SEPSECS: variants seen among roughly 807,000 people sequenced by gnomAD.
SEPSECS encodes the protein Sep (O-phosphoserine) tRNA:Sec (selenocysteine) tRNA synthase, also known as O-phosphoseryl-tRNA(Sec) selenium transferase.
A neutral mutation model predicts 52.1 loss-of-function variants in SEPSECS; 42 were observed. The observed-to-expected ratio is 0.81, with a 90% CI of 0.63 to 1.04. SEPSECS has a LOEUF of 1.04. Ranked by LOEUF, SEPSECS falls within the 50% of genes least tolerant of loss-of-function variation. SEPSECS has a pLI of 0.00. For synonymous variants in SEPSECS, 216 were observed against 211.4 expected (o/e 1.02, Z -0.19); for missense variants, 590 against 610.6 (o/e 0.97, Z 0.36).
intron 9 of SEPSECS, 65 bp downstream of exon 9, chr4:25,127,199 A>T: frequency 1.1e-6 from 1 of 942,308 alleles, no homozygotes; most frequent in East Asian, 2.4e-5. Context: ...CTCCTTCTAG[A>T]AGTATCAGCT....
chr4:25,156,459 T>G (rs190431388), intron 3 of SEPSECS, among the ~76,000 whole-genome samples: 1 of 151,166 alleles, frequency 6.6e-6, no homozygotes, highest in Non-Finnish European at 1.5e-5. Context: ...AATCCCAGCA[T>G]TTTGGGAGGC....
In SEPSECS at chr4:25,155,008, C is replaced by T. The variant is rs753217077; in HGVS notation, c.691G>A (p.Val231Met). The change falls in exon 5 of 11, where the codon GTG (valine) becomes ATG (methionine). Residue 231 changes from valine to methionine, a missense_variant. Coordinates refer to ENST00000382103, the MANE Select transcript of SEPSECS (RefSeq NM_016955.4). ...TCACAAATCATTTACCTATCAGGCA[C>T]CCTTGGAGCAAAACAGGATGTAGTA... ...HSTTSCFAPR[V>M]PDRLEELAVI... 1.2e-6 allele frequency: 2 copies of T among 1,614,090 alleles called. No individual in the cohort carries two copies. The highest frequency in any genetic ancestry group is 4.5e-5 in the East Asian group (2 of 44,876).
At chr4:25,152,094 A>T (rs763319697) in intron 5 of SEPSECS, 32 bp from the exon 6 acceptor site, 1 of 1,210,288 alleles carries the variant, frequency 8.3e-7, no homozygotes, top group South Asian at 1.2e-5. Flanking sequence ...AGAAAGACAT[A>T]CTCACACTGT....
At chr4:25,151,874 T>C (rs1019243907) in intron 6 of SEPSECS, 86 bp downstream of exon 6, 3 of 782,504 alleles carry the variant, frequency 3.8e-6, no homozygotes, top group Admixed American at 3.6e-5. Context: ...TGTTTTACTA[T>C]ATCAGATTGT....
intron 5 of SEPSECS, among the ~76,000 whole-genome samples, chr4:25,153,642 TG>T (rs1712449069): frequency 6.6e-6 from 1 of 151,886 alleles, no homozygotes; most frequent in African/African-American, 2.4e-5. Context: ...AAATGTATAC[TG>T]TATCCAAAAA....
chr4:25,140,844 T>C (rs1228394588), intron 8 of SEPSECS, among the ~76,000 whole-genome samples: 1 of 151,560 alleles, frequency 6.6e-6, no homozygotes, highest in Non-Finnish European at 1.5e-5. Flanking sequence ...CCCTCCTCCT[T>C]AATACACAGT....
At position 25,136,708 on chromosome 4, in the gene SEPSECS, A is replaced by T. The variant is rs189863835; in HGVS notation, c.1026+8066T>A. ...TGACATTCTTCATAGAATTAGAAAAAAACTATTTAAAAATTCACATGGAAC... is the reference window on the plus strand; with the variant it reads ...TGACATTCTTCATAGAATTAGAAAATAACTATTTAAAAATTCACATGGAAC... On this transcript the variant is annotated intron_variant, in intron 8 of 10. Transcript: ENST00000382103. Among the ~76,000 whole-genome samples, 7 of 152,296 alleles carry T rather than the reference A, an allele frequency of 4.6e-5. No individual in the cohort carries two copies. The East Asian group carries it at 1.2e-3, about 25-fold the overall frequency.
intron 10 of SEPSECS, chr4:25,125,417 G>GA (rs1208640034): frequency 2.2e-5 from 8 of 368,546 alleles, no homozygotes; most frequent in Admixed American, 1.7e-4. Context: ...AGGAAATAAA[G>GA]AAAAAAATCT....
chr4:25,129,659 G>C (rs533106342), intron 8 of SEPSECS, among the ~76,000 whole-genome samples: 19 of 151,966 alleles, frequency 1.3e-4, no homozygotes, highest in Non-Finnish European at 2.8e-4. Flanking sequence ...CCAAAGTGCT[G>C]GGATTACACC....
chr4:25,142,264 G>A (rs1056237688), intron 8 of SEPSECS, among the ~76,000 whole-genome samples: 13 of 151,906 alleles, frequency 8.6e-5, no homozygotes, highest in African/African-American at 2.9e-4. Context: ...GTGACAGAAC[G>A]AGACTCCATC....
chr4:25,124,710 TCTAA>T (rs764694432), intron 10 of SEPSECS, among the ~76,000 whole-genome samples: 11 of 152,264 alleles, frequency 7.2e-5, no homozygotes, highest in South Asian at 2.1e-4. Flanking sequence ...AAACTAAAAG[TCTAA>T]CTATCTGATC....
intron 8 of SEPSECS, among the ~76,000 whole-genome samples, chr4:25,131,800 T>C (rs1168552863): frequency 1.3e-5 from 2 of 152,176 alleles, no homozygotes; most frequent in African/African-American, 4.8e-5. Context: ...TCTTATCCAA[T>C]TCAGCAGATA....
chr4:25,160,229 C>T, intron 1 of SEPSECS, 27 bp downstream of exon 1: 1 of 1,549,244 alleles, frequency 6.5e-7, no homozygotes, highest in South Asian at 1.2e-5. Flanking sequence ...GTCGCGGCGG[C>T]TGGGGAGGGG....
chr4:25,158,522 A>G (rs1272534595), intron 2 of SEPSECS, among the ~76,000 whole-genome samples: 2 of 152,190 alleles, frequency 1.3e-5, no homozygotes, highest in Admixed American at 6.5e-5. Flanking sequence ...ATAAAATGAG[A>G]TTCAGTTTAA....
rs2109034335 is a variant in SEPSECS at position 25,156,203 on chromosome 4, TAAG to T, written c.389-11_389-9del. ...TGGCTACTGTATGGACACCTACAAA[TAAG>T]AAGCAAAACAGAAATCTGTTATCCC... On this transcript the variant is annotated splice_polypyrimidine_tract_variant and intron_variant, in intron 3 of 10. Coordinates refer to ENST00000382103, the MANE Select transcript of SEPSECS (RefSeq NM_016955.4). 1.2e-6 allele frequency: 2 copies of T among 1,613,372 alleles called. No individual in the cohort carries two copies. The highest frequency in any genetic ancestry group is 1.7e-6 in the Non-Finnish European group (2 of 1,179,452).
In SEPSECS at chr4:25,145,081, A is replaced by G. The variant is rs1711878299; in HGVS notation, c.857T>C (p.Phe286Ser). Residue 286 changes from phenylalanine (F) to serine (S), a missense_variant, in exon 7 of 11, where the codon TTT becomes TCT. Phe to Ser is a radical substitution (Grantham distance 155). Coordinates refer to ENST00000382103, the MANE Select transcript of SEPSECS (RefSeq NM_016955.4). ...TATAGCACCACCTACTGGAACCATA[A>G]AATTTTTGTCCAAGCTCTGAACAAA... is the stretch of plus-strand genomic sequence containing the variant. ...DAFVQSLDKN[F>S]MVPVGGAIIA... 2 of 1,613,886 alleles carry G rather than the reference A, an allele frequency of 1.2e-6. No homozygotes were observed. Among genetic ancestry groups the G allele is most frequent in the Non-Finnish European group, 8.5e-7 (1 of 1,179,946 alleles).
intron 6 of SEPSECS, among the ~76,000 whole-genome samples, chr4:25,148,483 T>C (rs1196199924): frequency 6.6e-6 from 1 of 152,010 alleles, no homozygotes; most frequent in African/African-American, 2.4e-5. Context: ...TAGAATGTCA[T>C]GAAACAGCAA....
intron 9 of SEPSECS, among the ~76,000 whole-genome samples, chr4:25,126,287 AT>A (rs1359021273): frequency 6.6e-6 from 1 of 152,112 alleles, no homozygotes; most frequent in Non-Finnish European, 1.5e-5. Context: ...ATCTCAACCA[AT>A]CATTTAACAA....
At position 25,159,085 on chromosome 4, in the gene SEPSECS, C is replaced by T; in HGVS notation, c.137G>A (p.Trp46Ter). 6.2e-7 allele frequency: 1 copy of T among 1,611,152 alleles called. No individual in the cohort carries two copies. Among genetic ancestry groups the T allele is most frequent in the African/African-American group, 1.3e-5 (1 of 74,162 alleles). Residue 46 changes from tryptophan (W) to a stop codon, truncating the protein, a stop_gained, in exon 2 of 11, where the codon TGG (tryptophan) becomes TAG (stop). Transcript: ENST00000382103. LOFTEE classifies it high-confidence loss of function. ...AAAGAGTTCAAGTGTACTTTCATCC[C>T]AGCCATTCTCTGGACACTTGCCCTT... ...LEKGKCPENGWDESTLELFLH... is the reference protein window; with the variant it reads ...LEKGKCPENG
Sources: allele counts gnomAD v4.1 joint callset (sites outside exome capture counted in the v4.1 genomes callset), GRCh38; gene constraint gnomAD v4.1.1; transcripts MANE v1.5; gene names NCBI Gene and HGNC (gene_info 2026-07-23, HGNC 2026-07-21).